The following ERBB4 variants were observed in gnomAD, a reference collection of about 807,000 sequenced individuals.
ERBB4 encodes receptor tyrosine-protein kinase erbB-4.
A neutral mutation model predicts 158.0 loss-of-function variants in ERBB4; 42 were observed. The observed-to-expected ratio is 0.27, with a 90% CI of 0.21 to 0.34. ERBB4 has a LOEUF of 0.34. Among genes scored for constraint, ERBB4 ranks in the 10% least tolerant of loss-of-function variants. The probability of loss-of-function intolerance (pLI) is 1.00; values close to 1 mark genes in which losing one functional copy is unlikely to be tolerated. For synonymous variants in ERBB4, 583 were observed against 558.7 expected (o/e 1.04, Z -0.61); for missense variants, 1,333 against 1,624.1 (o/e 0.82, Z 3.08).
At chr2:212,452,261 T>G (rs981085703) in intron 1 of ERBB4, among the ~76,000 whole-genome samples, 8 of 152,178 alleles carry the variant, frequency 5.3e-5, no homozygotes, top group Non-Finnish European at 1.0e-4. Flanking sequence ...TGTGACAATG[T>G]CAGTCTTCTG....
At chr2:211,557,382 T>C (rs2067263227) in intron 20 of ERBB4, among the ~76,000 whole-genome samples, 1 of 152,118 alleles carries the variant, frequency 6.6e-6, no homozygotes, top group South Asian at 2.1e-4. Context: ...AAAGATCTAA[T>C]ATCTAGCATC....
chr2:212,087,172 T>TACAC (rs147010295), intron 2 of ERBB4, among the ~76,000 whole-genome samples: 12 of 147,418 alleles, frequency 8.1e-5, no homozygotes, highest in South Asian at 2.1e-4. Context: ...AACACACACA[T>TACAC]ACACACACAC....
chr2:212,349,703 A>G (rs1224983591), intron 1 of ERBB4, among the ~76,000 whole-genome samples: 1 of 152,114 alleles, frequency 6.6e-6, no homozygotes, highest in Non-Finnish European at 1.5e-5. Context: ...TCAAAACCAG[A>G]GGAAAAGTAG....
intron 1 of ERBB4, among the ~76,000 whole-genome samples, chr2:212,202,411 C>T (rs10932425): frequency 0.56 from 84,276 of 151,840 alleles, 25,554 homozygotes; most frequent in African/African-American, 0.79. Flanking sequence ...TGAAGTGGTA[C>T]GATCATGGAT....
intron 20 of ERBB4, among the ~76,000 whole-genome samples, chr2:211,458,319 T>C (rs2064439794): frequency 6.6e-6 from 1 of 151,546 alleles, no homozygotes; most frequent in Non-Finnish European, 1.5e-5. Context: ...CAGGCTGGAG[T>C]GCAGTGGTGT....
At chr2:211,504,807 A>G (rs527740668) in intron 20 of ERBB4, among the ~76,000 whole-genome samples, 118 of 152,300 alleles carry the variant, frequency 7.7e-4, no homozygotes, top group African/African-American at 2.8e-3. Flanking sequence ...GGATTTTAAA[A>G]CACAGTTGAA....
At chr2:211,488,452 T>C (rs867230849) in intron 20 of ERBB4, among the ~76,000 whole-genome samples, 1 of 152,078 alleles carries the variant, frequency 6.6e-6, no homozygotes, top group Non-Finnish European at 1.5e-5. Context: ...AAAGAATATC[T>C]GGCAGTGGAA....
chr2:211,673,724 G>T (rs1439916854), intron 13 of ERBB4, among the ~76,000 whole-genome samples: 1 of 151,834 alleles, frequency 6.6e-6, no homozygotes, highest in Non-Finnish European at 1.5e-5. Flanking sequence ...CAAATCCCAA[G>T]ACTCTTCAAT....
intron 1 of ERBB4, among the ~76,000 whole-genome samples, chr2:212,379,533 A>T (rs1482648703): frequency 6.6e-6 from 1 of 151,742 alleles, no homozygotes; most frequent in Admixed American, 6.6e-5. Context: ...ATGATCACTG[A>T]ATATTATCTT....
At chr2:211,387,271 G>GTT in intron 26 of ERBB4, 121 bp from the exon 27 acceptor site, 1 of 878,838 alleles carries the variant, frequency 1.1e-6, no homozygotes, top group Non-Finnish European at 1.9e-6. Flanking sequence ...GTATTTACTG[G>GTT]TTTTTTTTCC....
At chr2:212,028,364 C>A (rs2076822376) in intron 2 of ERBB4, among the ~76,000 whole-genome samples, 1 of 152,104 alleles carries the variant, frequency 6.6e-6, no homozygotes, top group Non-Finnish European at 1.5e-5. Flanking sequence ...GTTTCACTTT[C>A]TTGTAAATGT....
intron 1 of ERBB4, among the ~76,000 whole-genome samples, chr2:212,495,737 C>A (rs576686391): frequency 6.6e-6 from 1 of 152,166 alleles, no homozygotes; most frequent in African/African-American, 2.4e-5. Context: ...CCTACAAAAT[C>A]AGATCCCTTA....
chr2:212,455,749 A>T (rs1023455627), intron 1 of ERBB4, among the ~76,000 whole-genome samples: 1 of 152,170 alleles, frequency 6.6e-6, no homozygotes, highest in Non-Finnish European at 1.5e-5. Context: ...ACTTTTTAAA[A>T]TCTTAGTTAC....
intron 1 of ERBB4, among the ~76,000 whole-genome samples, chr2:212,413,358 G>A (rs1346181182): frequency 6.6e-6 from 1 of 151,822 alleles, no homozygotes; most frequent in Non-Finnish European, 1.5e-5. Context: ...TTACTTGTGA[G>A]TGATTTCAAA....
chr2:211,916,787 T>C (rs2125067695), intron 3 of ERBB4, among the ~76,000 whole-genome samples: 1 of 152,256 alleles, frequency 6.6e-6, no homozygotes, highest in South Asian at 2.1e-4. Flanking sequence ...TTATGTACCA[T>C]AAATGTGCCT....
At chr2:212,471,740 C>G (rs1431875951) in intron 1 of ERBB4, among the ~76,000 whole-genome samples, 1 of 151,874 alleles carries the variant, frequency 6.6e-6, no homozygotes, top group Non-Finnish European at 1.5e-5. Context: ...TTCAAAGTTA[C>G]ATTTTGCATA....
chr2:212,126,452 C>G (rs1251278495), intron 1 of ERBB4, among the ~76,000 whole-genome samples: 1 of 92,122 alleles, frequency 1.1e-5, no homozygotes. Flanking sequence ...CAGAGTGAGA[C>G]TCTGTCTCAA....
chr2:211,577,052 A>G (rs573581674), intron 19 of ERBB4, among the ~76,000 whole-genome samples: 6 of 152,192 alleles, frequency 3.9e-5, no homozygotes, highest in Non-Finnish European at 8.8e-5. Context: ...TCAGATATAT[A>G]ATGGGAACTA....
intron 1 of ERBB4, among the ~76,000 whole-genome samples, chr2:212,372,697 C>T (rs1332412471): frequency 1.3e-5 from 2 of 152,052 alleles, no homozygotes; most frequent in African/African-American, 4.8e-5. Flanking sequence ...TGCGGTGAGC[C>T]GAGATTGCAC....
Sources: allele counts gnomAD v4.1 joint callset (sites outside exome capture counted in the v4.1 genomes callset), GRCh38; gene constraint gnomAD v4.1.1; transcripts MANE v1.5; gene names NCBI Gene and HGNC (gene_info 2026-07-23, HGNC 2026-07-21).